Variants in PRRX1 observed in about 807,000 individuals in gnomAD.
The protein encoded by PRRX1 is paired related homeobox 1, also known as paired mesoderm homeobox protein 1.
PRRX1 carries 8 observed loss-of-function variants against 24.0 expected under a neutral mutation model. The ratio of observed to expected loss-of-function variants is 0.33; its 90% CI spans 0.20 to 0.60. The LOEUF is 0.60. PRRX1 is among the 20% of genes least tolerant of loss of function. The probability of loss-of-function intolerance (pLI) is 0.82; values close to 1 mark genes in which losing one functional copy is unlikely to be tolerated. For synonymous variants in PRRX1, 160 were observed against 131.7 expected (o/e 1.22, Z -1.47); for missense variants, 281 against 322.4 (o/e 0.87, Z 0.98).
At chr1:170,709,204 T>C (rs1264883584) in intron 1 of PRRX1, among the ~76,000 whole-genome samples, 1 of 152,158 alleles carries the variant, frequency 6.6e-6, no homozygotes, top group Non-Finnish European at 1.5e-5. Flanking sequence ...AGACTACTTC[T>C]GGTTGTTGAT....
At position 170,716,592 on chromosome 1, in the gene PRRX1, A is replaced by G. The variant is rs567663129; in HGVS notation, c.242-3134A>G. ...GAGCGAGACTCCATCTCAAAAAAAA[A>G]AAAAAAAATGTATTCATGTTTCCGC... On this transcript the variant is annotated intron_variant, in intron 1 of 3. Transcript: ENST00000239461. 6.6e-4 allele frequency among the ~76,000 whole-genome samples: 100 copies of G among 152,184 alleles called. No individual in the cohort carries two copies. The Middle Eastern group carries it at 0.02, about 31-fold the overall frequency.
intron 1 of PRRX1, among the ~76,000 whole-genome samples, chr1:170,712,913 G>T (rs1237757350): frequency 2.6e-5 from 4 of 151,774 alleles, no homozygotes; most frequent in Non-Finnish European, 5.9e-5. Context: ...CCCTTTTTTG[G>T]CATCCTGCAA....
At chr1:170,692,900 C>T (rs558355914) in intron 1 of PRRX1, among the ~76,000 whole-genome samples, 3 of 152,146 alleles carry the variant, frequency 2.0e-5, no homozygotes, top group South Asian at 4.1e-4. Context: ...TAGGACTTGG[C>T]CTAATCCTAT....
At chr1:170,697,190 AG>A (rs1245967501) in intron 1 of PRRX1, among the ~76,000 whole-genome samples, 1 of 152,162 alleles carries the variant, frequency 6.6e-6, no homozygotes, top group African/African-American at 2.4e-5. Context: ...GAAAGCGCAG[AG>A]GCCTAGGAGT....
At chr1:170,724,869 G>C (rs76093250) in intron 2 of PRRX1, among the ~76,000 whole-genome samples, 47 of 152,292 alleles carry the variant, frequency 3.1e-4, no homozygotes, top group African/African-American at 1.1e-3. Context: ...AATTACTTTG[G>C]ATGTATAGCC....
chr1:170,691,708 C>A (rs1653986777), intron 1 of PRRX1, among the ~76,000 whole-genome samples: 1 of 151,520 alleles, frequency 6.6e-6, no homozygotes, highest in African/African-American at 2.4e-5. Context: ...CCTTTTCTCC[C>A]CTCCTCTCCT....
chr1:170,735,432 A>C (rs1346002466), intron 3 of PRRX1, among the ~76,000 whole-genome samples: 6 of 152,232 alleles, frequency 3.9e-5, no homozygotes, highest in African/African-American at 1.2e-4. Context: ...TTTTAAAATC[A>C]AGGCCAGTGG....
Position 170,689,839 on chromosome 1 carries a change from C to CTCTCT in PRRX1, c.241+25380_241+25381insTCTCT, listed in dbSNP as rs1558049688. Reference sequence around the variant, plus strand: ...GTCTCTCTCTCTCTCTCTCTCTCTCCCTCTCTCTCTCTCTCTCTCTCTCTC... The same window carrying CTCTCT: ...GTCTCTCTCTCTCTCTCTCTCTCTCCTCTCTCTCTCTCTCTCTCTCTCTCTCTCTC... On this transcript the variant is annotated intron_variant, in intron 1 of 3. Coordinates refer to ENST00000239461, the MANE Select transcript of PRRX1 (RefSeq NM_022716.4). Among the ~76,000 whole-genome samples the CTCTCT allele has an allele frequency of 2.1e-3, 192 of 91,630 alleles. 17 individuals are homozygous for CTCTCT. The highest frequency in any genetic ancestry group is 6.6e-3 in the African/African-American group (164 of 24,698). 60.1% of individuals were successfully genotyped at this position (91,630 alleles called of 152,430 possible).
chr1:170,726,603 G>C, intron 3 of PRRX1: 1 of 594,908 alleles, frequency 1.7e-6, no homozygotes, highest in Non-Finnish European at 2.9e-6. Context: ...AGTGAGAGGG[G>C]CAGGCTATCT....
At chr1:170,716,002 G>T (rs538791728) in intron 1 of PRRX1, among the ~76,000 whole-genome samples, 1 of 152,256 alleles carries the variant, frequency 6.6e-6, no homozygotes, top group Non-Finnish European at 1.5e-5. Context: ...GCTCTGGCTG[G>T]AGGTCCCAAG....
chr1:170,719,827 C>A lies in PRRX1; in HGVS notation c.343C>A (p.Arg115=), dbSNP rs756620309. 1 of 1,614,040 alleles carries A rather than the reference C, an allele frequency of 6.2e-7. No individual in the cohort carries two copies. Among genetic ancestry groups the A allele is most frequent in the Admixed American group, 1.7e-5 (1 of 60,002 alleles). The part of the protein sequence containing the change: ...QLQALERVFE[R]THYPDAFVRE... ...GCAGGCTTTGGAGCGTGTCTTTGAG[C>A]GGACACACTATCCTGATGCTTTTGT... Residue 115 remains arginine (R), a synonymous_variant, in exon 2 of 4, where the codon CGG becomes AGG. Coordinates refer to ENST00000239461, the MANE Select transcript of PRRX1 (RefSeq NM_022716.4).
At chr1:170,714,763 T>A (rs1181278817) in intron 1 of PRRX1, among the ~76,000 whole-genome samples, 1 of 152,234 alleles carries the variant, frequency 6.6e-6, no homozygotes, top group South Asian at 2.1e-4. Flanking sequence ...TGCCTTCTTC[T>A]CCACCTTCCC....
intron 1 of PRRX1, among the ~76,000 whole-genome samples, chr1:170,699,694 G>C (rs1654292646): frequency 6.6e-6 from 1 of 152,060 alleles, no homozygotes; most frequent in Non-Finnish European, 1.5e-5. Flanking sequence ...ATGAAACAAA[G>C]CAACACAAAA....
At chr1:170,700,896 A>G (rs1488554184) in intron 1 of PRRX1, among the ~76,000 whole-genome samples, 1 of 152,186 alleles carries the variant, frequency 6.6e-6, no homozygotes, top group African/African-American at 2.4e-5. Flanking sequence ...GGGCTGAGAC[A>G]ACATAGGGAA....
intron 1 of PRRX1, among the ~76,000 whole-genome samples, chr1:170,670,474 G>A (rs1653108163): frequency 6.6e-6 from 1 of 152,160 alleles, no homozygotes; most frequent in African/African-American, 2.4e-5. Context: ...ACAGTCATTA[G>A]TGGTTCAGGG....
chr1:170,696,426 A>C (rs978502099), intron 1 of PRRX1, among the ~76,000 whole-genome samples: 1 of 152,204 alleles, frequency 6.6e-6, no homozygotes, highest in Non-Finnish European at 1.5e-5. Flanking sequence ...AAAAGATAAC[A>C]TAAGGTGCAG....
intron 1 of PRRX1, among the ~76,000 whole-genome samples, chr1:170,702,711 T>A (rs1654426712): frequency 6.6e-6 from 1 of 152,202 alleles, no homozygotes; most frequent in African/African-American, 2.4e-5. Flanking sequence ...AAATTTAAAA[T>A]TTTAGTTTTA....
chr1:170,716,054 T>C (rs1654895993), intron 1 of PRRX1, among the ~76,000 whole-genome samples: 1 of 152,194 alleles, frequency 6.6e-6, no homozygotes, highest in African/African-American at 2.4e-5. Context: ...TTCTTCTAGA[T>C]CTAATTTAAC....
intron 1 of PRRX1, among the ~76,000 whole-genome samples, chr1:170,698,979 G>A (rs1287118301): frequency 3.9e-5 from 6 of 152,198 alleles, no homozygotes; most frequent in Non-Finnish European, 7.3e-5. Flanking sequence ...AGTGTTGATG[G>A]TCTGTGATCC....
Sources: gnomAD v4.1 joint callset for allele counts (sites outside exome capture counted in the v4.1 genomes callset) on GRCh38, gnomAD v4.1.1 for gene constraint, MANE v1.5 for transcripts, NCBI Gene and HGNC (gene_info 2026-07-23, HGNC 2026-07-21) for gene names.